The following TCF7L2 variants were observed in gnomAD, a reference collection of about 807,000 sequenced individuals.
TCF7L2 encodes transcription factor 7-like 2.
Under a neutral mutation model 77.9 loss-of-function variants are expected in TCF7L2, and 23 were observed. The ratio of observed to expected loss-of-function variants is 0.30; its 90% CI spans 0.21 to 0.42. TCF7L2 has a LOEUF of 0.42. Ranked by LOEUF, TCF7L2 falls within the 10% of genes least tolerant of loss-of-function variation. The pLI, the probability that TCF7L2 is intolerant of heterozygous loss-of-function variation, is 1.00. For missense variants in TCF7L2, 654 were observed against 793.1 expected, an observed-to-expected ratio of 0.82 and a Z score of 2.11; for synonymous variants, 413 against 340.2, an observed-to-expected ratio of 1.21 and a Z score of -2.36.
chr10:113,065,416 A>G (rs2057119196), intron 5 of TCF7L2, among the ~76,000 whole-genome samples: 1 of 152,204 alleles, frequency 6.6e-6, no homozygotes, highest in Non-Finnish European at 1.5e-5. Flanking sequence ...TACGGGTGCT[A>G]TTTGGAATAG....
intron 13 of TCF7L2, among the ~76,000 whole-genome samples, chr10:113,162,899 TG>T (rs1158789122): frequency 5.9e-5 from 9 of 152,052 alleles, no homozygotes; most frequent in African/African-American, 2.2e-4. Flanking sequence ...AAGCCTAGGT[TG>T]GGGGTGCTAA....
chr10:113,036,150 A>G (rs2134179906), intron 4 of TCF7L2, among the ~76,000 whole-genome samples: 1 of 148,180 alleles, frequency 6.7e-6, no homozygotes, highest in South Asian at 2.1e-4. Context: ...CATCATCATC[A>G]TCATCATCAT....
chr10:113,049,526 C>T (rs1400123863), intron 5 of TCF7L2, among the ~76,000 whole-genome samples: 1 of 152,076 alleles, frequency 6.6e-6, no homozygotes, highest in Non-Finnish European at 1.5e-5. Context: ...CACTGGAGTC[C>T]AGTGCCATCA....
rs369853789 is a variant in TCF7L2, at chr10:112,996,236, ACT to A, written c.450+31616_450+31617del. Among the ~76,000 whole-genome samples, 664 of 151,720 alleles carry A rather than the reference ACT, an allele frequency of 4.4e-3. 9 individuals are homozygous for A. The highest frequency in any genetic ancestry group is 0.015 in the African/African-American group (638 of 41,372). ...TGAATGTTGTGCATTGAGAAAAATG[ACT>A]CTCGGAGGAGGATGAGCCTCTCGGA... is the stretch of plus-strand genomic sequence containing the variant. On this transcript the variant is annotated intron_variant, in intron 4 of 13. Coordinates refer to ENST00000627217, the MANE Select transcript of TCF7L2 (RefSeq NM_001146274.2).
chr10:113,039,931 C>G, intron 4 of TCF7L2, 94 bp from the exon 5 acceptor site: 1 of 1,070,590 alleles, frequency 9.3e-7, no homozygotes, highest in Non-Finnish European at 1.4e-6. Context: ...TTTTCAGTTT[C>G]TGACCCATGT....
At chr10:113,049,914 C>T (rs534964496) in intron 5 of TCF7L2, among the ~76,000 whole-genome samples, 3 of 152,160 alleles carry the variant, frequency 2.0e-5, no homozygotes, top group Admixed American at 2.0e-4. Context: ...TGAGCAAGTC[C>T]CCGTTCATCA....
chr10:113,126,521 C>A (rs1592052250), intron 5 of TCF7L2: 1 of 976,294 alleles, frequency 1.0e-6, no homozygotes, highest in Non-Finnish European at 1.2e-6. Context: ...TGATTGAATG[C>A]CGGGGTTTGG....
chr10:113,138,077 C>T (rs2067689265), intron 5 of TCF7L2, among the ~76,000 whole-genome samples: 1 of 152,174 alleles, frequency 6.6e-6, no homozygotes, highest in African/African-American at 2.4e-5. Context: ...CAGAGTTCTC[C>T]TCTCTTGCAA....
At chr10:113,110,019 A>G (rs1241008989) in intron 5 of TCF7L2, among the ~76,000 whole-genome samples, 1 of 152,240 alleles carries the variant, frequency 6.6e-6, no homozygotes, top group African/African-American at 2.4e-5. Flanking sequence ...TACATTTTGA[A>G]AACACCTGTT....
In TCF7L2 at chr10:113,056,004, CA is replaced by C. The variant is rs2055311494; in HGVS notation, c.552+15880del. 7.2e-5 allele frequency among the ~76,000 whole-genome samples: 11 copies of C among 152,270 alleles called. No homozygotes were observed. In the South Asian group the frequency reaches 2.3e-3, roughly 32 times the overall value. On this transcript the variant is annotated intron_variant, in intron 5 of 13. Transcript: ENST00000627217. ...ATGATTTTAAGCAACTCACTTAGAA[CA>C]AGATACAAAAATTGTGGACTGGACC...
At position 112,967,460 on chromosome 10, in the gene TCF7L2, T is replaced by C. The variant is rs147363718; in HGVS notation, c.450+2836T>C. Among the ~76,000 whole-genome samples, 127 of 152,252 alleles carry C rather than the reference T, an allele frequency of 8.3e-4. 3 individuals are homozygous for C. The East Asian group carries it at 0.022, about 27-fold the overall frequency. On this transcript the variant is annotated intron_variant, in intron 4 of 13. Transcript: ENST00000627217. ...ATATGAATGGCCTTGGGTGATTCTA[T>C]AGACACGTCACTTTCTTATAAAAGG...
chr10:113,130,458 C>G (rs1247252462), intron 5 of TCF7L2, among the ~76,000 whole-genome samples: 2 of 152,218 alleles, frequency 1.3e-5, no homozygotes, highest in African/African-American at 4.8e-5. Flanking sequence ...AAGGCTTTAA[C>G]AGTAGCAGGG....
intron 4 of TCF7L2, among the ~76,000 whole-genome samples, chr10:112,984,907 G>A (rs921650224): frequency 2.0e-5 from 3 of 152,154 alleles, no homozygotes; most frequent in African/African-American, 7.2e-5. Flanking sequence ...GTGATAAGGA[G>A]GCGTTCTGGG....
At position 113,166,359 on chromosome 10, in the gene TCF7L2, T is replaced by TC; in HGVS notation, c.*388dup. The TC allele has an allele frequency of 4.3e-6, 1 of 234,012 alleles. No individual in the cohort carries two copies. The highest frequency in any genetic ancestry group is 6.2e-5 in the East Asian group (1 of 16,248). The allele number at this position is 234,012 out of a possible 1,614,324, so 14.5% of individuals were successfully genotyped here. ...AAGCAGCCCTCCAGAAGGAGTTGGT[T>TC]CTGTATTATTTGTATTAAATACGAG... On this transcript the variant is annotated 3_prime_UTR_variant, in exon 14 of 14. Transcript: ENST00000627217.
intron 11 of TCF7L2, among the ~76,000 whole-genome samples, chr10:113,153,719 G>GCACAA (rs1564973534): frequency 6.6e-6 from 1 of 152,104 alleles, no homozygotes; most frequent in African/African-American, 2.4e-5. Context: ...GAAATGTGCA[G>GCACAA]TTACTGTGCA....
intron 4 of TCF7L2, among the ~76,000 whole-genome samples, chr10:112,981,289 C>T (rs1415770782): frequency 1.4e-5 from 2 of 147,396 alleles, no homozygotes; most frequent in Non-Finnish European, 3.0e-5. Flanking sequence ...GGCCCCTTTC[C>T]TTGGAAGAGA....
chr10:113,120,097 G>C (rs1465358097), intron 5 of TCF7L2, among the ~76,000 whole-genome samples: 1 of 152,218 alleles, frequency 6.6e-6, no homozygotes, highest in Non-Finnish European at 1.5e-5. Context: ...CGACTGATGA[G>C]ACCAGAGGCT....
intron 11 of TCF7L2, among the ~76,000 whole-genome samples, chr10:113,154,530 T>C (rs1391411419): frequency 6.6e-6 from 1 of 152,140 alleles, no homozygotes; most frequent in Non-Finnish European, 1.5e-5. Context: ...CTGGGGTCTA[T>C]GTGAATGGTG....
chr10:112,988,180 C>G (rs1477507757), intron 4 of TCF7L2, among the ~76,000 whole-genome samples: 1 of 151,688 alleles, frequency 6.6e-6, no homozygotes, highest in Non-Finnish European at 1.5e-5. Context: ...TCACGGCAAC[C>G]TCTGTCTCCT....
Sources: gnomAD v4.1 joint callset for allele counts (sites outside exome capture counted in the v4.1 genomes callset) on GRCh38, gnomAD v4.1.1 for gene constraint, MANE v1.5 for transcripts, NCBI Gene and HGNC (gene_info 2026-07-23, HGNC 2026-07-21) for gene names.